SUGCT: variants seen among roughly 807,000 people sequenced by gnomAD.
SUGCT encodes succinyl-CoA:glutarate CoA-transferase.
A neutral mutation model predicts 55.0 loss-of-function variants in SUGCT; 41 were observed. That is an observed-to-expected ratio of 0.74 (90% CI 0.58 to 0.97). The LOEUF is 0.97. SUGCT is among the 50% of genes least tolerant of loss of function. SUGCT has a pLI of 0.00. For synonymous variants in SUGCT, 187 were observed against 200.4 expected (o/e 0.93, Z 0.56); for missense variants, 568 against 547.8 (o/e 1.04, Z -0.37).
chr7:40,245,110 A>G (rs1437055628), intron 7 of SUGCT, among the ~76,000 whole-genome samples: 1 of 151,718 alleles, frequency 6.6e-6, no homozygotes, highest in Non-Finnish European at 1.5e-5. Context: ...GCTGGAGTGC[A>G]GTGGCATGAT....
chr7:40,349,313 T>A (rs1797489069), intron 9 of SUGCT, among the ~76,000 whole-genome samples: 1 of 152,172 alleles, frequency 6.6e-6, no homozygotes, highest in African/African-American at 2.4e-5. Context: ...TTTGATACAT[T>A]TGATTTGGCC....
At chr7:40,946,945 A>G in the SUGCT span, among the ~76,000 whole-genome samples, 4 of 152,162 alleles carry the variant, frequency 2.6e-5, no homozygotes, top group African/African-American at 9.7e-5. Context: ...TCTGAATCTC[A>G]TTGAGTTTAT....
At position 40,141,934 on chromosome 7, in the gene SUGCT, G is replaced by A. The variant is rs147111058; in HGVS notation, c.100+6814G>A. 346 of 282,096 alleles carry A rather than the reference G, an allele frequency of 1.2e-3. 1 individual carries two copies. The highest frequency in any genetic ancestry group is 7.1e-3 in the African/African-American group (322 of 45,640). The allele number at this position is 282,096 out of a possible 1,614,324, so 17.5% of individuals were successfully genotyped here. ...TCTTATCCCTGATGCACGTGGCCCCGCTGCTGTGTCATTCCCCTATTGGCT... is the reference window on the plus strand; with the variant it reads ...TCTTATCCCTGATGCACGTGGCCCCACTGCTGTGTCATTCCCCTATTGGCT... On this transcript the variant is annotated intron_variant, in intron 1 of 13. Coordinates refer to ENST00000335693, the MANE Select transcript of SUGCT (RefSeq NM_001193313.2).
chr7:40,464,583 T>A (rs977437490), intron 11 of SUGCT, among the ~76,000 whole-genome samples: 1 of 152,192 alleles, frequency 6.6e-6, no homozygotes, highest in Non-Finnish European at 1.5e-5. Flanking sequence ...TACAATTTTT[T>A]AAATTTACCA....
intron 9 of SUGCT, among the ~76,000 whole-genome samples, chr7:40,410,162 C>T (rs1786595488): frequency 6.6e-6 from 1 of 152,090 alleles, no homozygotes; most frequent in African/African-American, 2.4e-5. Flanking sequence ...CATAACTGGC[C>T]ACATCACCAA....
intron 12 of SUGCT, among the ~76,000 whole-genome samples, chr7:40,563,368 G>A (rs1795945774): frequency 6.6e-6 from 1 of 152,044 alleles, no homozygotes. Context: ...ACAGTTCTTC[G>A]GTATTTGGTT....
chr7:40,593,904 A>C (rs1797860412), intron 12 of SUGCT, among the ~76,000 whole-genome samples: 1 of 152,194 alleles, frequency 6.6e-6, no homozygotes, highest in Non-Finnish European at 1.5e-5. Context: ...AATTCACAAT[A>C]GCAAAGACTT....
At chr7:40,439,076 A>ATGTGTG (rs1215528531) in intron 9 of SUGCT, among the ~76,000 whole-genome samples, 2 of 84,272 alleles carry the variant, frequency 2.4e-5, no homozygotes, top group African/African-American at 6.4e-5. Flanking sequence ...ATATATATAT[A>ATGTGTG]TATATATATA....
intron 13 of SUGCT, among the ~76,000 whole-genome samples, chr7:40,858,138 G>A (rs935174859): frequency 9.2e-5 from 14 of 152,118 alleles, no homozygotes; most frequent in African/African-American, 3.4e-4. Context: ...ATGCAATGTT[G>A]TATTAATACA....
chr7:40,608,552 C>T (rs1270445100), intron 12 of SUGCT, among the ~76,000 whole-genome samples: 1 of 152,168 alleles, frequency 6.6e-6, no homozygotes, highest in African/African-American at 2.4e-5. Context: ...AGATTACTAT[C>T]AGGCATTACA....
At chr7:40,747,485 T>G (rs1357996867) in intron 12 of SUGCT, among the ~76,000 whole-genome samples, 1 of 152,220 alleles carries the variant, frequency 6.6e-6, no homozygotes, top group African/African-American at 2.4e-5. Context: ...TGTGAATGGA[T>G]TATGGTAAGA....
chr7:40,650,371 G>A (rs1800717141), intron 12 of SUGCT, among the ~76,000 whole-genome samples: 1 of 152,154 alleles, frequency 6.6e-6, no homozygotes. Flanking sequence ...CAGACTATTG[G>A]AGGCCATCTT....
the SUGCT span, among the ~76,000 whole-genome samples, chr7:40,929,434 TACCCAGTAATGG>T: frequency 6.6e-6 from 1 of 152,224 alleles, no homozygotes; most frequent in Non-Finnish European, 1.5e-5. Flanking sequence ...TTTGGGTATA[TACCCAGTAATGG>T]GATCGCTGGG....
At chr7:40,202,635 T>C (rs937807023) in intron 6 of SUGCT, among the ~76,000 whole-genome samples, 4 of 152,126 alleles carry the variant, frequency 2.6e-5, no homozygotes, top group African/African-American at 7.2e-5. Context: ...ACTGGTGTAG[T>C]TGTAACCTGC....
chr7:40,258,713 G>A (rs1267241664), intron 7 of SUGCT, among the ~76,000 whole-genome samples: 1 of 152,180 alleles, frequency 6.6e-6, no homozygotes, highest in Non-Finnish European at 1.5e-5. Context: ...TTGTAAAGTT[G>A]TAAAGTGATG....
intron 1 of SUGCT, among the ~76,000 whole-genome samples, chr7:40,171,025 A>C (rs760508912): frequency 1.3e-5 from 2 of 152,202 alleles, no homozygotes; most frequent in Non-Finnish European, 2.9e-5. Flanking sequence ...AAGATGCAAC[A>C]GTTCTTATGC....
intron 12 of SUGCT, among the ~76,000 whole-genome samples, chr7:40,549,876 G>T (rs965186953): frequency 1.3e-5 from 2 of 152,184 alleles, no homozygotes; most frequent in Non-Finnish European, 2.9e-5. Flanking sequence ...AGATTCTGAG[G>T]AATATACAGT....
chr7:40,812,760 TA>T (rs1486270019), intron 13 of SUGCT, among the ~76,000 whole-genome samples: 2 of 152,038 alleles, frequency 1.3e-5, no homozygotes, highest in African/African-American at 4.8e-5. Context: ...TCTGCTAGAT[TA>T]GGGGTTAGTT....
chr7:40,528,399 T>A (rs530090586), intron 12 of SUGCT, among the ~76,000 whole-genome samples: 4 of 152,202 alleles, frequency 2.6e-5, no homozygotes, highest in South Asian at 2.1e-4. Context: ...GAACATTGAA[T>A]ATGTGATATT....
Sources: allele counts gnomAD v4.1 joint callset (sites outside exome capture counted in the v4.1 genomes callset), GRCh38; gene constraint gnomAD v4.1.1; transcripts MANE v1.5; gene names NCBI Gene and HGNC (gene_info 2026-07-23, HGNC 2026-07-21).